Variants in BORCS5 observed in about 807,000 individuals in gnomAD.
The protein encoded by BORCS5 is BLOC-1 related complex subunit 5.
A neutral mutation model predicts 22.1 loss-of-function variants in BORCS5; 17 were observed. The ratio of observed to expected loss-of-function variants is 0.77; its 90% CI spans 0.53 to 1.15. The LOEUF (loss-of-function observed/expected upper bound fraction) is 1.15. Ranked by LOEUF, BORCS5 falls within the 50% of genes most tolerant of loss-of-function variation. The pLI, the probability that BORCS5 is intolerant of heterozygous loss-of-function variation, is 0.00. For missense variants in BORCS5, 247 were observed against 253.2 expected (o/e 0.98, Z 0.17); for synonymous variants, 117 against 99.8 (o/e 1.17, Z -1.03).
In BORCS5 at chr12:12,467,649, AGTTT is replaced by A. The variant is rs925956911; in HGVS notation, c.*1874_*1877del. The A allele has an allele frequency of 6.6e-6, 1 of 152,250 alleles. No homozygotes were observed. The highest frequency in any genetic ancestry group is 2.4e-5 in the African/African-American group (1 of 41,452). The allele number at this position is 152,250 out of a possible 1,614,324, so 9.4% of individuals were successfully genotyped here. ...AATACTCCCGGAAAGAATTCTAGTTAGTTTAATATTTTGATGGCATGTTGTGGTT... is the reference window on the plus strand; with the variant it reads ...AATACTCCCGGAAAGAATTCTAGTTAAATATTTTGATGGCATGTTGTGGTT... On this transcript the variant is annotated 3_prime_UTR_variant, in exon 4 of 4. Transcript: ENST00000314565.
chr12:12,437,803 C>T (rs755316934), intron 3 of BORCS5, among the ~76,000 whole-genome samples: 13 of 117,380 alleles, frequency 1.1e-4, no homozygotes, highest in African/African-American at 4.4e-4. Flanking sequence ...ATGCTGTCAC[C>T]GAGGCTGGAG....
intron 2 of BORCS5, among the ~76,000 whole-genome samples, chr12:12,391,005 C>T (rs1054407278): frequency 6.6e-6 from 1 of 151,900 alleles, no homozygotes; most frequent in East Asian, 1.9e-4. Context: ...GGTAATTGAA[C>T]GAGGGGCCAT....
At chr12:12,380,105 TAA>T (rs745858085) in intron 2 of BORCS5, among the ~76,000 whole-genome samples, 1 of 151,316 alleles carries the variant, frequency 6.6e-6, no homozygotes, top group Admixed American at 6.6e-5. Context: ...CTTCTCAGTT[TAA>T]GTTTCCTGTT....
At chr12:12,436,025 G>C (rs1386743511) in intron 3 of BORCS5, 1 of 426,298 alleles carries the variant, frequency 2.3e-6, no homozygotes, top group African/African-American at 2.1e-5. Flanking sequence ...GTTTCCTCAT[G>C]TGAAAAATGG....
chr12:12,450,712 G>A (rs764503172), intron 3 of BORCS5, among the ~76,000 whole-genome samples: 1 of 152,182 alleles, frequency 6.6e-6, no homozygotes, highest in Non-Finnish European at 1.5e-5. Context: ...GAGCCGAAAA[G>A]CATGGGTTTG....
chr12:12,359,671 TA>T lies in BORCS5; in HGVS notation c.59-1519del, dbSNP rs56798094. The stretch of plus-strand genomic sequence containing the variant: ...GCCACCGTGCCCAGCCGCCTTGACT[TA>T]AAAAAAAAAAAAAAAGAGTGAGGAG... On this transcript the variant is annotated intron_variant, in intron 1 of 3. Coordinates refer to ENST00000314565, the MANE Select transcript of BORCS5 (RefSeq NM_058169.6). Among the ~76,000 whole-genome samples the T allele has an allele frequency of 2.7e-3, 371 of 138,052 alleles. 1 individual carries two copies. Among genetic ancestry groups the T allele is most frequent in the African/African-American group, 4.5e-3 (166 of 37,008 alleles). 90.6% of individuals were successfully genotyped at this position (138,052 alleles called of 152,430 possible). A position where few individuals can be genotyped will look rare whatever the true frequency, so the allele number is the denominator to read the frequency against.
At chr12:12,383,493 C>G (rs1863817611) in intron 2 of BORCS5, among the ~76,000 whole-genome samples, 1 of 151,300 alleles carries the variant, frequency 6.6e-6, no homozygotes, top group Non-Finnish European at 1.5e-5. Flanking sequence ...GACTTCAGGT[C>G]CCCAACCGTT....
intron 2 of BORCS5, among the ~76,000 whole-genome samples, chr12:12,429,663 C>A (rs1565905512): frequency 6.6e-6 from 1 of 152,188 alleles, no homozygotes; most frequent in Non-Finnish European, 1.5e-5. Context: ...GCAACCTTCT[C>A]AAAATCCCCC....
chr12:12,384,438 A>G (rs1863838522), intron 2 of BORCS5, among the ~76,000 whole-genome samples: 1 of 149,078 alleles, frequency 6.7e-6, no homozygotes, highest in Non-Finnish European at 1.5e-5. Context: ...AGTATCTTCA[A>G]TACTCAGAGG....
chr12:12,389,683 G>A lies in BORCS5; in HGVS notation c.202+28334G>A, dbSNP rs148874820. On this transcript the variant is annotated intron_variant, in intron 2 of 3. Transcript: ENST00000314565. The stretch of plus-strand genomic sequence containing the variant: ...TTTTGAGACAGAGTCTCGCTCTGTC[G>A]CCCAGGCTGGAGTGCGGTGGCATGA... 6.0e-3 allele frequency among the ~76,000 whole-genome samples: 905 copies of A among 152,030 alleles called. 20 individuals are homozygous for A. Among genetic ancestry groups the A allele is most frequent in the African/African-American group, 0.02 (834 of 41,406 alleles).
intron 2 of BORCS5, among the ~76,000 whole-genome samples, chr12:12,433,484 A>G (rs1942482151): frequency 6.6e-6 from 1 of 152,074 alleles, no homozygotes; most frequent in African/African-American, 2.4e-5. Context: ...AAACCAAAAA[A>G]GGGAGGGATG....
intron 2 of BORCS5, among the ~76,000 whole-genome samples, chr12:12,363,394 G>A (rs1460307897): frequency 6.6e-6 from 1 of 151,796 alleles, no homozygotes; most frequent in East Asian, 1.9e-4. Flanking sequence ...GAGGTTAGGA[G>A]ATCAATACCA....
In BORCS5 at chr12:12,365,835, TGTAA is replaced by T. The variant is rs199832050; in HGVS notation, c.202+4489_202+4492del. ...AATTAATTGCCTAAAGTCACATGGCTGTAAGTGATAGCACATTTTAAGATTGCAT... is the reference window on the plus strand; with the variant it reads ...AATTAATTGCCTAAAGTCACATGGCTGTGATAGCACATTTTAAGATTGCAT... On this transcript the variant is annotated intron_variant, in intron 2 of 3. Coordinates refer to ENST00000314565, the MANE Select transcript of BORCS5 (RefSeq NM_058169.6). Among the ~76,000 whole-genome samples the T allele has an allele frequency of 4.1e-3, 625 of 152,336 alleles. 5 individuals carry two copies. The highest frequency in any genetic ancestry group is 0.013 in the African/African-American group (545 of 41,572).
At chr12:12,447,558 C>T (rs1942814481) in intron 3 of BORCS5, among the ~76,000 whole-genome samples, 1 of 152,196 alleles carries the variant, frequency 6.6e-6, no homozygotes, top group South Asian at 2.1e-4. Flanking sequence ...GCCCCAGTGG[C>T]AGTATACCAA....
intron 3 of BORCS5, among the ~76,000 whole-genome samples, chr12:12,457,484 A>G (rs1490341564): frequency 1.3e-5 from 2 of 152,228 alleles, no homozygotes; most frequent in African/African-American, 2.4e-5. Flanking sequence ...CCTGGCTAAC[A>G]CGGTGAAACC....
At chr12:12,374,184 G>A (rs1230969969) in intron 2 of BORCS5, among the ~76,000 whole-genome samples, 1 of 151,330 alleles carries the variant, frequency 6.6e-6, no homozygotes, top group Non-Finnish European at 1.5e-5. Context: ...GTAGAGATGG[G>A]GTTTCACTGT....
intron 2 of BORCS5, among the ~76,000 whole-genome samples, chr12:12,433,016 A>G (rs946488357): frequency 4.6e-5 from 7 of 152,154 alleles, no homozygotes; most frequent in Admixed American, 1.3e-4. Context: ...AACTAAATAC[A>G]GACACAAATC....
intron 2 of BORCS5, among the ~76,000 whole-genome samples, chr12:12,432,062 T>C (rs1037354715): frequency 6.6e-6 from 1 of 152,238 alleles, no homozygotes; most frequent in Admixed American, 6.5e-5. Context: ...GTTATCACAA[T>C]AGGAGGAAAA....
chr12:12,438,384 AAAACAAC>A (rs1344299020), intron 3 of BORCS5, among the ~76,000 whole-genome samples: 14 of 140,628 alleles, frequency 1.0e-4, no homozygotes, highest in African/African-American at 4.4e-4. Context: ...AAAAAAACGA[AAAACAAC>A]AACAAAAACC....
Sources: gnomAD v4.1 joint callset for allele counts (sites outside exome capture counted in the v4.1 genomes callset) on GRCh38, gnomAD v4.1.1 for gene constraint, MANE v1.5 for transcripts, NCBI Gene and HGNC (gene_info 2026-07-23, HGNC 2026-07-21) for gene names.